Variants in PLA2G10 observed in about 807,000 individuals in gnomAD.
The protein encoded by PLA2G10 is group 10 secretory phospholipase A2.
In PLA2G10, 9 loss-of-function variants were observed where a neutral mutation model predicts 7.9. That is an observed-to-expected ratio of 1.14 (90% CI 0.68 to 1.98). PLA2G10 has a LOEUF of 1.98. PLA2G10 is among the 30% of genes most tolerant of loss of function. The pLI is 0.00. For synonymous variants in PLA2G10, 19 were observed against 27.5 expected (o/e 0.69, Z 0.97); for missense variants, 53 against 65.4 (o/e 0.81, Z 0.66).
chr16:14,682,310 C>T (rs1960914971), intron 3 of PLA2G10, among the ~76,000 whole-genome samples: 1 of 152,102 alleles, frequency 6.6e-6, no homozygotes, highest in African/African-American at 2.4e-5. Context: ...AGGCCGGGCG[C>T]GGTGGCTCGT....
At chr16:14,675,757 G>A (rs1301702944) in intron 3 of PLA2G10, among the ~76,000 whole-genome samples, 3 of 151,802 alleles carry the variant, frequency 2.0e-5, no homozygotes, top group Non-Finnish European at 4.4e-5. Context: ...TAGCCAACAT[G>A]GTGAAACCCC....
At chr16:14,687,836 A>G (rs1288560243) in intron 3 of PLA2G10, among the ~76,000 whole-genome samples, 1 of 132,704 alleles carries the variant, frequency 7.5e-6, no homozygotes, top group South Asian at 2.2e-4. Context: ...ACCTCTACTG[A>G]AAAAATACAA....
intron 3 of PLA2G10, among the ~76,000 whole-genome samples, chr16:14,681,202 G>C (rs1334622632): frequency 6.6e-6 from 1 of 150,856 alleles, no homozygotes; most frequent in Non-Finnish European, 1.5e-5. Context: ...AAGGGGGAGG[G>C]GGGAGAGAGA....
chr16:14,673,491 C>T (rs1043443019), intron 3 of PLA2G10, among the ~76,000 whole-genome samples: 4 of 152,100 alleles, frequency 2.6e-5, no homozygotes, highest in Non-Finnish European at 5.9e-5. Flanking sequence ...CCCACCTCAG[C>T]CTCCCATGTG....
At chr16:14,677,576 A>G (rs1276142664) in intron 3 of PLA2G10, among the ~76,000 whole-genome samples, 3 of 152,176 alleles carry the variant, frequency 2.0e-5, no homozygotes, top group Non-Finnish European at 4.4e-5. Context: ...CATGTTGGCC[A>G]GGATGCTCTC....
At chr16:14,681,129 A>C (rs1199689039) in intron 3 of PLA2G10, among the ~76,000 whole-genome samples, 1 of 151,368 alleles carries the variant, frequency 6.6e-6, no homozygotes, top group Non-Finnish European at 1.5e-5. Flanking sequence ...GCACCACTGC[A>C]CTCCAGCCTG....
chr16:14,679,468 T>C (rs1230546878), intron 3 of PLA2G10, among the ~76,000 whole-genome samples: 11 of 152,154 alleles, frequency 7.2e-5, no homozygotes, highest in South Asian at 4.2e-4. Flanking sequence ...AAGAACAGCC[T>C]GGCCAACATA....
Position 14,684,685 on chromosome 16 carries a change from C to T in PLA2G10, c.355+3480G>A, listed in dbSNP as rs546172611. 1.8e-4 allele frequency among the ~76,000 whole-genome samples: 28 copies of T among 151,962 alleles called. 1 individual carries two copies. In the South Asian group the frequency reaches 2.9e-3, roughly 16 times the overall value. ...TGTCTCAAAAAAATTAGCCCAGCAT[C>T]GTGCCACACACCTATAGTCTCAGCT... On this transcript the variant is annotated intron_variant, in intron 3 of 3. Transcript: ENST00000438167.
chr16:14,687,297 A>C (rs955554437), intron 3 of PLA2G10, among the ~76,000 whole-genome samples: 1 of 151,046 alleles, frequency 6.6e-6, no homozygotes, highest in African/African-American at 2.4e-5. Flanking sequence ...GGTTTTTTTT[A>C]TATATCTTTA....
At chr16:14,684,337 C>CAA (rs71373100) in intron 3 of PLA2G10, among the ~76,000 whole-genome samples, 568 of 37,834 alleles carry the variant, frequency 0.015, 6 homozygotes, top group Non-Finnish European at 0.021. Flanking sequence ...GACTCCATCT[C>CAA]AAAAAAAAAA....
intron 3 of PLA2G10, 74 bp from the exon 4 acceptor site, chr16:14,672,823 C>A: frequency 7.2e-7 from 1 of 1,391,276 alleles, no homozygotes; most frequent in Non-Finnish European, 1.0e-6. Context: ...AAGCAAGAGG[C>A]AGGACGGGTC....
intron 3 of PLA2G10, among the ~76,000 whole-genome samples, chr16:14,684,062 A>G (rs192264512): frequency 1.3e-5 from 2 of 152,068 alleles, no homozygotes; most frequent in African/African-American, 4.8e-5. Flanking sequence ...ACTTATCTCT[A>G]CAAAAAGTTT....
intron 3 of PLA2G10, among the ~76,000 whole-genome samples, chr16:14,687,409 G>A (rs1344102827): frequency 2.0e-5 from 3 of 149,428 alleles, no homozygotes; most frequent in African/African-American, 7.4e-5. Context: ...GCTCACTGCA[G>A]CCTCAACCTC....
At chr16:14,679,674 A>G (rs375360732) in intron 3 of PLA2G10, among the ~76,000 whole-genome samples, 5 of 146,692 alleles carry the variant, frequency 3.4e-5, no homozygotes, top group African/African-American at 7.6e-5. Flanking sequence ...AAAAAAAAAA[A>G]ATAATAATAA....
chr16:14,679,863 A>C (rs1960839292), intron 3 of PLA2G10, among the ~76,000 whole-genome samples: 1 of 151,078 alleles, frequency 6.6e-6, no homozygotes, highest in African/African-American at 2.4e-5. Flanking sequence ...AAGAAACCCA[A>C]CTCTCTTTAA....
chr16:14,685,424 G>C (rs1025477308), intron 3 of PLA2G10, among the ~76,000 whole-genome samples: 10 of 151,092 alleles, frequency 6.6e-5, no homozygotes, highest in African/African-American at 9.7e-5. Flanking sequence ...ATTATACTAA[G>C]TGAAGAAGCC....
chr16:14,680,859 A>G (rs1460048839), intron 3 of PLA2G10, among the ~76,000 whole-genome samples: 2 of 152,070 alleles, frequency 1.3e-5, no homozygotes, highest in Non-Finnish European at 1.5e-5. Flanking sequence ...ATATTTGTTG[A>G]CAGACCAGAG....
chr16:14,682,207 T>A (rs569853685), intron 3 of PLA2G10, among the ~76,000 whole-genome samples: 3 of 152,278 alleles, frequency 2.0e-5, no homozygotes, highest in African/African-American at 7.2e-5. Flanking sequence ...TAAAAATTGA[T>A]TATATCATCA....
intron 3 of PLA2G10, among the ~76,000 whole-genome samples, chr16:14,677,272 G>C (rs1282448188): frequency 1.3e-5 from 2 of 152,118 alleles, no homozygotes; most frequent in Non-Finnish European, 2.9e-5. Context: ...CTTGTTACCA[G>C]GGCAAAATTC....
Sources: gnomAD v4.1 joint callset for allele counts (sites outside exome capture counted in the v4.1 genomes callset) on GRCh38, gnomAD v4.1.1 for gene constraint, MANE v1.5 for transcripts, NCBI Gene and HGNC (gene_info 2026-07-23, HGNC 2026-07-21) for gene names.